RGS6: variants seen among roughly 807,000 people sequenced by gnomAD.
RGS6 encodes the protein regulator of G-protein signaling 6.
Under a neutral mutation model 78.5 loss-of-function variants are expected in RGS6, and 30 were observed. The ratio of observed to expected loss-of-function variants is 0.38; its 90% CI spans 0.29 to 0.52. RGS6 has a LOEUF of 0.52. Ranked by LOEUF, RGS6 falls within the 20% of genes least tolerant of loss-of-function variation. RGS6 has a pLI of 0.85. For synonymous variants in RGS6, 206 were observed against 206.0 expected, an observed-to-expected ratio of 1.00 and a Z score of 0.00; for missense variants, 495 against 609.7, an observed-to-expected ratio of 0.81 and a Z score of 1.98.
At chr14:72,383,177 C>CGT (rs1555364445) in intron 3 of RGS6, among the ~76,000 whole-genome samples, 1 of 71,024 alleles carries the variant, frequency 1.4e-5, no homozygotes, top group Non-Finnish European at 2.9e-5. Context: ...AAAAATTGTA[C>CGT]ATATATATAT....
At chr14:72,467,880 C>T (rs1376756776) in intron 7 of RGS6, among the ~76,000 whole-genome samples, 1 of 152,106 alleles carries the variant, frequency 6.6e-6, no homozygotes, top group East Asian at 1.9e-4. Context: ...GCGCCCAGTG[C>T]AAGTAGCTTT....
intron 3 of RGS6, among the ~76,000 whole-genome samples, chr14:72,363,615 G>A (rs1455702542): frequency 6.6e-6 from 1 of 152,152 alleles, no homozygotes; most frequent in African/African-American, 2.4e-5. Flanking sequence ...TTGAAATAGA[G>A]CAGAGGGTAA....
chr14:72,080,556 G>A (rs1447496188), intron 2 of RGS6, among the ~76,000 whole-genome samples: 1 of 151,832 alleles, frequency 6.6e-6, no homozygotes, highest in Non-Finnish European at 1.5e-5. Context: ...TGCTTTTGTT[G>A]CCTGTGCTTT....
At chr14:72,519,810 G>A (rs72726170) in intron 15 of RGS6, among the ~76,000 whole-genome samples, 1 of 152,052 alleles carries the variant, frequency 6.6e-6, no homozygotes, top group South Asian at 2.1e-4. Flanking sequence ...GTTCCGTGGG[G>A]GTTCCCTGCA....
intron 3 of RGS6, among the ~76,000 whole-genome samples, chr14:72,354,436 G>A (rs569792070): frequency 1.8e-4 from 26 of 148,244 alleles, no homozygotes; most frequent in Admixed American, 1.2e-3. Flanking sequence ...GAGCAGCCTG[G>A]CCAACATGGC....
chr14:72,477,947 T>C (rs944279895), intron 11 of RGS6, among the ~76,000 whole-genome samples: 1 of 152,142 alleles, frequency 6.6e-6, no homozygotes, highest in Non-Finnish European at 1.5e-5. Context: ...CAGGTATTTA[T>C]GGGGCACATT....
intron 3 of RGS6, among the ~76,000 whole-genome samples, chr14:72,452,206 T>C (rs1160152509): frequency 6.8e-6 from 1 of 147,680 alleles, no homozygotes; most frequent in African/African-American, 2.5e-5. Flanking sequence ...CAGGCACATG[T>C]ACACACACAC....
At chr14:72,252,177 C>G (rs892774047) in intron 2 of RGS6, among the ~76,000 whole-genome samples, 1 of 152,180 alleles carries the variant, frequency 6.6e-6, no homozygotes. Context: ...TATCTGTAAG[C>G]CAAACATGTA....
rs575217009 is a variant in RGS6, at chr14:72,094,303, T to C, written c.84+129428T>C. On this transcript the variant is annotated intron_variant, in intron 2 of 17. Transcript: ENST00000553525. ...TTAGTATGTTTATATTTTGGCTTTT[T>C]AAATAAATGGTTTTCATATTGTTCT... Among the ~76,000 whole-genome samples, 5 of 152,342 alleles carry C rather than the reference T, an allele frequency of 3.3e-5. No individual in the cohort carries two copies. In the South Asian group the frequency reaches 1.0e-3, roughly 32 times the overall value.
At chr14:72,114,854 GAGAA>G (rs1314858234) in intron 2 of RGS6, among the ~76,000 whole-genome samples, 2 of 152,198 alleles carry the variant, frequency 1.3e-5, no homozygotes, top group Non-Finnish European at 2.9e-5. Flanking sequence ...ATGTCTGAGT[GAGAA>G]AGTGATTATC....
Position 72,256,917 on chromosome 14 carries a change from G to A in RGS6, c.85-95178G>A, listed in dbSNP as rs1407982448. 2.0e-5 allele frequency among the ~76,000 whole-genome samples: 3 copies of A among 151,250 alleles called. No homozygotes were observed. In the East Asian group the frequency reaches 5.8e-4, roughly 29 times the overall value. ...CTGTCAACTTAGTGATGTTGAGATT[G>A]GGGCTAGGCCTGCAGTAATCCTCTG... On this transcript the variant is annotated intron_variant, in intron 2 of 17. Transcript: ENST00000553525.
At chr14:72,045,228 C>T (rs565297332) in intron 2 of RGS6, among the ~76,000 whole-genome samples, 14 of 152,158 alleles carry the variant, frequency 9.2e-5, no homozygotes, top group East Asian at 7.7e-4. Context: ...ATTTCCTATC[C>T]GATAAGTCCA....
intron 2 of RGS6, among the ~76,000 whole-genome samples, chr14:72,109,579 G>A (rs891805680): frequency 3.9e-5 from 6 of 152,188 alleles, no homozygotes; most frequent in Admixed American, 1.3e-4. Flanking sequence ...ATGCATAAAT[G>A]TATTCTCTTT....
At chr14:72,514,402 G>T (rs2096915508) in intron 14 of RGS6, among the ~76,000 whole-genome samples, 1 of 152,222 alleles carries the variant, frequency 6.6e-6, no homozygotes. Context: ...GAATGATCAA[G>T]GGCCAAATGG....
At chr14:72,398,355 T>C (rs1353305507) in intron 3 of RGS6, among the ~76,000 whole-genome samples, 2 of 152,222 alleles carry the variant, frequency 1.3e-5, no homozygotes, top group African/African-American at 4.8e-5. Context: ...GTTTATAGTA[T>C]TCTCTGATGG....
chr14:72,174,902 A>G (rs1006370489), intron 2 of RGS6, among the ~76,000 whole-genome samples: 1 of 152,204 alleles, frequency 6.6e-6, no homozygotes, highest in Non-Finnish European at 1.5e-5. Context: ...TCTACTGGCT[A>G]TGAAATGGAA....
rs1413498684 is a variant in RGS6 at position 72,536,106 on chromosome 14, CA to C, written c.1279-79del. On this transcript the variant is annotated intron_variant, in intron 15 of 17. Transcript: ENST00000553525. Reference sequence around the variant, plus strand: ...GGTTCCTTCATCTCCTTCCCCAAAACAGTGATCAATTGGATTGTAATATTCT... The same window carrying C: ...GGTTCCTTCATCTCCTTCCCCAAAACGTGATCAATTGGATTGTAATATTCT... 7.2e-6 allele frequency: 8 copies of C among 1,106,526 alleles called. No individual in the cohort carries two copies. In the East Asian group the frequency reaches 1.9e-4, roughly 27 times the overall value. 68.5% of individuals were successfully genotyped at this position (1,106,526 alleles called of 1,614,324 possible).
At chr14:72,154,959 G>A (rs1222812263) in intron 2 of RGS6, among the ~76,000 whole-genome samples, 2 of 152,232 alleles carry the variant, frequency 1.3e-5, no homozygotes, top group Non-Finnish European at 2.9e-5. Context: ...TTAGGAGCGG[G>A]CGGTAATGAA....
At chr14:72,625,594 A>G in the RGS6 span, among the ~76,000 whole-genome samples, 1 of 152,136 alleles carries the variant, frequency 6.6e-6, no homozygotes, top group African/African-American at 2.4e-5. Context: ...ATGTGTCTTC[A>G]TTGCTTCTGT....
Sources: allele counts gnomAD v4.1 joint callset (sites outside exome capture counted in the v4.1 genomes callset), GRCh38; gene constraint gnomAD v4.1.1; transcripts MANE v1.5; gene names NCBI Gene and HGNC (gene_info 2026-07-23, HGNC 2026-07-21).